Variants in GPR19 observed in about 807,000 individuals in gnomAD.
GPR19 encodes G protein-coupled receptor 19.
In GPR19, 14 loss-of-function variants were observed where a neutral mutation model predicts 28.5. The ratio of observed to expected loss-of-function variants is 0.49; its 90% CI spans 0.32 to 0.77. The LOEUF (loss-of-function observed/expected upper bound fraction) is 0.77. Among genes scored for constraint, GPR19 ranks in the 30% least tolerant of loss-of-function variants. The pLI is 0.03. For synonymous variants in GPR19, 173 were observed against 184.1 expected, an observed-to-expected ratio of 0.94 and a Z score of 0.49; for missense variants, 409 against 504.1, an observed-to-expected ratio of 0.81 and a Z score of 1.81.
intron 1 of GPR19, among the ~76,000 whole-genome samples, chr12:12,695,839 C>A (rs886097696): frequency 6.6e-6 from 1 of 152,198 alleles, no homozygotes; most frequent in Non-Finnish European, 1.5e-5. Context: ...TCTCTCAAAT[C>A]TTCCCATCTT....
chr12:12,665,455 C>T (rs1339243585), intron 3 of GPR19, among the ~76,000 whole-genome samples: 1 of 152,220 alleles, frequency 6.6e-6, no homozygotes, highest in Admixed American at 6.5e-5. Context: ...TAGATTTCCC[C>T]TGCTGGTGGC....
intron 3 of GPR19, among the ~76,000 whole-genome samples, chr12:12,677,825 G>A (rs1945954802): frequency 6.6e-6 from 1 of 151,746 alleles, no homozygotes; most frequent in Non-Finnish European, 1.5e-5. Flanking sequence ...TGTAATCCCA[G>A]CACTTTGGGA....
At chr12:12,685,006 A>G (rs567409362) in intron 2 of GPR19, 1 of 152,060 alleles carries the variant, frequency 6.6e-6, no homozygotes, top group African/African-American at 2.4e-5. Flanking sequence ...ACAGCATTAC[A>G]CCCTCTTCAA....
At chr12:12,716,856 C>T in the GPR19 span, 3 of 984,520 alleles carry the variant, frequency 3.0e-6, no homozygotes, top group Non-Finnish European at 3.6e-6. Context: ...GCCCAGCCCC[C>T]CCAGCAAACG....
intron 3 of GPR19, among the ~76,000 whole-genome samples, chr12:12,677,828 C>T (rs1328531402): frequency 6.6e-6 from 1 of 151,828 alleles, no homozygotes; most frequent in African/African-American, 2.4e-5. Flanking sequence ...AATCCCAGCA[C>T]TTTGGGAGGC....
the GPR19 span, among the ~76,000 whole-genome samples, chr12:12,707,370 C>T: frequency 6.6e-6 from 1 of 152,226 alleles, no homozygotes; most frequent in Non-Finnish European, 1.5e-5. Flanking sequence ...TGTCCATTGT[C>T]TGTCTTCCAC....
chr12:12,676,103 T>C (rs11055013), intron 3 of GPR19, among the ~76,000 whole-genome samples: 24,340 of 152,254 alleles, frequency 0.16, 2,485 homozygotes, highest in East Asian at 0.31. Context: ...CCTGAAATAT[T>C]AGAAAACCAA....
chr12:12,662,807 G>A (rs986136481), intron 3 of GPR19, among the ~76,000 whole-genome samples: 1 of 152,226 alleles, frequency 6.6e-6, no homozygotes, highest in African/African-American at 2.4e-5. Flanking sequence ...CTCAAATCTG[G>A]CTCATGGTAA....
upstream of GPR19, among the ~76,000 whole-genome samples, chr12:12,700,281 G>C (rs1946312705): frequency 6.6e-6 from 1 of 151,616 alleles, no homozygotes; most frequent in Non-Finnish European, 1.5e-5. Flanking sequence ...TTGACTTCTT[G>C]GGCCCAAGTG....
intron 3 of GPR19, among the ~76,000 whole-genome samples, chr12:12,678,960 C>G (rs765428185): frequency 6.6e-6 from 1 of 152,118 alleles, no homozygotes; most frequent in Non-Finnish European, 1.5e-5. Context: ...CCACGCCCAG[C>G]TAATTTTTGT....
chr12:12,704,960 TG>T, the GPR19 span, among the ~76,000 whole-genome samples: 1 of 152,164 alleles, frequency 6.6e-6, no homozygotes, highest in African/African-American at 2.4e-5. Context: ...TCCTGAGTTA[TG>T]GAAAAAGGCA....
intron 2 of GPR19, 94 bp downstream of exon 2, chr12:12,695,365 T>C (rs552830791): frequency 2.0e-5 from 3 of 152,306 alleles, no homozygotes; most frequent in African/African-American, 7.2e-5. Context: ...GAAATCCACA[T>C]TTCATTCTGG....
intron 3 of GPR19, among the ~76,000 whole-genome samples, chr12:12,668,698 A>G (rs1464407495): frequency 2.0e-5 from 3 of 151,996 alleles, no homozygotes; most frequent in African/African-American, 7.3e-5. Flanking sequence ...AAACAGAAAC[A>G]TTTTCTGTAG....
chr12:12,695,040 C>T (rs922078875), intron 2 of GPR19, among the ~76,000 whole-genome samples: 1 of 152,222 alleles, frequency 6.6e-6, no homozygotes, highest in Non-Finnish European at 1.5e-5. Flanking sequence ...GATCCTTCTC[C>T]ATCACTGCTA....
chr12:12,666,702 C>T (rs719840), intron 3 of GPR19, among the ~76,000 whole-genome samples: 1 of 152,180 alleles, frequency 6.6e-6, no homozygotes. Flanking sequence ...ATTGCTTATT[C>T]GATGTTTACT....
intron 3 of GPR19, among the ~76,000 whole-genome samples, chr12:12,675,808 C>T: frequency 6.6e-6 from 1 of 152,130 alleles, no homozygotes; most frequent in Non-Finnish European, 1.5e-5. Context: ...CTGACTGAGC[C>T]TGGAAGGGCA....
upstream of GPR19, among the ~76,000 whole-genome samples, chr12:12,697,514 C>A (rs1946284448): frequency 6.6e-6 from 1 of 152,130 alleles, no homozygotes; most frequent in Admixed American, 6.5e-5. Flanking sequence ...TATCTTAGAG[C>A]TGGATAAGAG....
intron 3 of GPR19, among the ~76,000 whole-genome samples, chr12:12,682,654 A>G (rs1255362722): frequency 2.6e-5 from 4 of 152,218 alleles, no homozygotes; most frequent in African/African-American, 4.8e-5. Flanking sequence ...CTAAAAGACT[A>G]AAGTTCAATA....
chr12:12,674,534 G>A lies in GPR19; in HGVS notation c.-23+9817C>T, dbSNP rs114511655. ...TTATATGTGATGGGGTTAGGGAATG[G>A]GGATGACCCCTAGTTTTGAGAGCCT... On this transcript the variant is annotated intron_variant, in intron 3 of 3. Coordinates refer to ENST00000651487, the MANE Select transcript of GPR19 (RefSeq NM_006143.3). Among the ~76,000 whole-genome samples, 785 of 152,270 alleles carry A rather than the reference G, an allele frequency of 5.2e-3. 4 individuals are homozygous for A. The highest frequency in any genetic ancestry group is 0.018 in the African/African-American group (731 of 41,548).
Sources: gnomAD v4.1 joint callset for allele counts (sites outside exome capture counted in the v4.1 genomes callset) on GRCh38, gnomAD v4.1.1 for gene constraint, MANE v1.5 for transcripts, NCBI Gene and HGNC (gene_info 2026-07-23, HGNC 2026-07-21) for gene names.